PCDHA5: variants seen among roughly 807,000 people sequenced by gnomAD.
The protein encoded by PCDHA5 is protocadherin alpha-5.
PCDHA5 carries 43 observed loss-of-function variants against 61.6 expected under a neutral mutation model. The observed-to-expected ratio is 0.70, with a 90% CI of 0.55 to 0.90. The LOEUF is 0.90. Ranked by LOEUF, PCDHA5 falls within the 40% of genes least tolerant of loss-of-function variation. PCDHA5 has a pLI of 0.00. For missense variants in PCDHA5, 1,298 were observed against 1,222.7 expected (o/e 1.06, Z -0.92); for synonymous variants, 627 against 543.9 (o/e 1.15, Z -2.13).
rs116072877 is a variant in PCDHA5 at position 140,927,686 on chromosome 5, A to G, written c.2353-51263A>G. On this transcript the variant is annotated intron_variant, in intron 1 of 3. Transcript: ENST00000529859. ...GCCTTGGATCCAGATGAAGGGTCCA[A>G]TGGGGAAGTCCAGTACTCCCTAAGC... 796 of 1,614,196 alleles carry G rather than the reference A, an allele frequency of 4.9e-4. 3 individuals carry two copies. The African/African-American group carries it at 7.7e-3, about 16-fold the overall frequency.
chr5:140,851,812 G>A, intron 1 of PCDHA5: 1 of 953,880 alleles, frequency 1.0e-6, no homozygotes, highest in Non-Finnish European at 1.3e-6. Context: ...TAATCCATAA[G>A]ACAGAAATCT....
At chr5:141,003,658 A>G (rs1379758431) in intron 3 of PCDHA5, among the ~76,000 whole-genome samples, 2 of 152,212 alleles carry the variant, frequency 1.3e-5, no homozygotes, top group Non-Finnish European at 2.9e-5. Flanking sequence ...GTATGCATTT[A>G]TTAAAATATA....
intron 1 of PCDHA5, chr5:140,852,998 C>A (rs2150526910): frequency 6.5e-6 from 2 of 309,332 alleles, no homozygotes; most frequent in East Asian, 1.7e-4. Context: ...CCTGCCTCAG[C>A]CTCCCGAGTA....
At chr5:140,825,266 T>C (rs1768494140) in intron 1 of PCDHA5, 2 of 151,016 alleles carry the variant, frequency 1.3e-5, no homozygotes, top group African/African-American at 4.8e-5. Flanking sequence ...AGGTATGTGA[T>C]TGGTTATTTT....
intron 1 of PCDHA5, among the ~76,000 whole-genome samples, chr5:140,937,501 C>T (rs2091550832): frequency 6.6e-6 from 1 of 152,126 alleles, no homozygotes; most frequent in Admixed American, 6.5e-5. Context: ...CCCGTAATCC[C>T]AGCTACTCAG....
In PCDHA5 at chr5:140,858,035, ACTGTG is replaced by A. The variant is rs564025916; in HGVS notation, c.2352+33911_2352+33915del. On this transcript the variant is annotated intron_variant, in intron 1 of 3. Transcript: ENST00000529859. Reference sequence around the variant, plus strand: ...CGAGCCGTCGCTGACGGCCACGGCCACTGTGCTTGTGTCGCTTGTGGAGGGCAGCC... The same window carrying A: ...CGAGCCGTCGCTGACGGCCACGGCCACTTGTGTCGCTTGTGGAGGGCAGCC... The A allele has an allele frequency of 2.7e-4, 428 of 1,597,220 alleles. 17 individuals are homozygous for A. The African/African-American group carries it at 5.1e-3, about 19-fold the overall frequency.
intron 1 of PCDHA5, chr5:140,842,662 C>G (rs2150341461): frequency 1.3e-6 from 2 of 1,595,426 alleles, no homozygotes; most frequent in East Asian, 2.2e-5. Context: ...AGGTGGCCGA[C>G]GTGAACGACA....
chr5:140,992,590 T>C (rs536991072), intron 3 of PCDHA5, among the ~76,000 whole-genome samples: 1 of 152,300 alleles, frequency 6.6e-6, no homozygotes, highest in East Asian at 1.9e-4. Flanking sequence ...TGTATGCATC[T>C]AGCGTCTGTG....
At chr5:140,867,525 TA>T (rs2050008799) in intron 1 of PCDHA5, 4 of 152,102 alleles carry the variant, frequency 2.6e-5, no homozygotes, top group Admixed American at 2.6e-4. Context: ...AATAGTTGAA[TA>T]TATATATAAA....
In PCDHA5 at chr5:140,853,190, C is replaced by A. The variant is rs1013741160; in HGVS notation, c.2352+29063C>A. On this transcript the variant is annotated intron_variant, in intron 1 of 3. Transcript: ENST00000529859. ...CACCGCGCCTGGCCTAAAATGTGTT[C>A]TTTATTATTGACGGCTGTATTGATG... is the stretch of plus-strand genomic sequence containing the variant. 7.1e-6 allele frequency: 7 copies of A among 980,440 alleles called. No individual in the cohort carries two copies. In the African/African-American group the frequency reaches 1.2e-4, roughly 17 times the overall value. The allele number at this position is 980,440 out of a possible 1,614,324, so 60.7% of individuals were successfully genotyped here.
intron 1 of PCDHA5, among the ~76,000 whole-genome samples, chr5:140,941,193 TTCTTTCTTC>T (rs1563183581): frequency 8.6e-6 from 1 of 116,638 alleles, no homozygotes; most frequent in Non-Finnish European, 1.8e-5. Flanking sequence ...TTCTTTTTTT[TTCTTTCTTC>T]CTTTCTTTCT....
chr5:140,921,098 A>G (rs1007745080), intron 1 of PCDHA5, among the ~76,000 whole-genome samples: 2 of 151,708 alleles, frequency 1.3e-5, no homozygotes, highest in South Asian at 2.1e-4. Context: ...CTCCTGCCTC[A>G]GTCTCCTAAG....
chr5:140,858,392 G>T, intron 1 of PCDHA5: 1 of 1,579,080 alleles, frequency 6.3e-7, no homozygotes, highest in Non-Finnish European at 8.7e-7. Context: ...AATGGTAGAT[G>T]TGGACGGGGA....
intron 1 of PCDHA5, chr5:140,869,037 C>A: frequency 1.3e-6 from 2 of 1,528,404 alleles, no homozygotes; most frequent in South Asian, 2.6e-5. Context: ...AGATTTTTAA[C>A]CTGAAACTGA....
Position 140,895,311 on chromosome 5 carries a change from C to T in PCDHA5, c.2352+71184C>T, listed in dbSNP as rs572826090. 2.0e-5 allele frequency among the ~76,000 whole-genome samples: 3 copies of T among 152,252 alleles called. No homozygotes were observed. The South Asian group carries it at 6.2e-4, about 32-fold the overall frequency. On this transcript the variant is annotated intron_variant, in intron 1 of 3. Transcript: ENST00000529859. ...GACCTTCGATTTCCCCCCTTCCACC[C>T]ATGACTATTGTTCTCAAATTGTTTT...
In PCDHA5 at chr5:140,822,082, A is replaced by G; in HGVS notation, c.307A>G (p.Ile103Val). 1 of 1,614,244 alleles carries G rather than the reference A, an allele frequency of 6.2e-7. No individual in the cohort carries two copies. The highest frequency in any genetic ancestry group is 8.5e-7 in the Non-Finnish European group (1 of 1,180,050). ...ELCRRRAECSIHLEVIVDRPL... is the reference protein window; with the variant it reads ...ELCRRRAECSVHLEVIVDRPL... The stretch of plus-strand genomic sequence containing the variant: ...GTGCCGGCGGAGGGCGGAGTGCAGC[A>G]TCCACCTGGAGGTGATCGTGGACAG... Residue 103 changes from isoleucine to valine, a missense_variant, in exon 1 of 4, where the codon ATC becomes GTC. Coordinates refer to ENST00000529859, the MANE Select transcript of PCDHA5 (RefSeq NM_018908.3).
chr5:140,825,591 T>A (rs1280614684), intron 1 of PCDHA5: 1 of 151,790 alleles, frequency 6.6e-6, no homozygotes, highest in African/African-American at 2.4e-5. Context: ...CCTGGCTAAT[T>A]TTTTGTATTT....
intron 3 of PCDHA5, among the ~76,000 whole-genome samples, chr5:140,991,620 T>C (rs2097462467): frequency 6.6e-6 from 1 of 152,212 alleles, no homozygotes; most frequent in Non-Finnish European, 1.5e-5. Flanking sequence ...TTTAATGCCA[T>C]ATTTGTAATA....
At chr5:140,937,064 G>A (rs2091301496) in intron 1 of PCDHA5, among the ~76,000 whole-genome samples, 1 of 143,854 alleles carries the variant, frequency 7.0e-6, no homozygotes, top group Admixed American at 7.1e-5. Context: ...TTGAGACGGA[G>A]TCTCGCTCTG....
Sources: gnomAD v4.1 joint callset for allele counts (sites outside exome capture counted in the v4.1 genomes callset) on GRCh38, gnomAD v4.1.1 for gene constraint, MANE v1.5 for transcripts, NCBI Gene and HGNC (gene_info 2026-07-23, HGNC 2026-07-21) for gene names.